The following VEPH1 variants were observed in gnomAD, a reference collection of about 807,000 sequenced individuals.
VEPH1 encodes ventricular zone expressed PH domain containing 1.
Under a neutral mutation model 85.2 loss-of-function variants are expected in VEPH1, and 80 were observed. That is an observed-to-expected ratio of 0.94 (90% CI 0.78 to 1.13). The LOEUF (loss-of-function observed/expected upper bound fraction) is 1.13, where lower values mean the gene tolerates loss of function less well. Ranked by LOEUF, VEPH1 falls within the 50% of genes most tolerant of loss-of-function variation. VEPH1 has a pLI of 0.00. For synonymous variants in VEPH1, 297 were observed against 348.0 expected, an observed-to-expected ratio of 0.85 and a Z score of 1.63; for missense variants, 955 against 980.5, an observed-to-expected ratio of 0.97 and a Z score of 0.35.
intron 2 of VEPH1, among the ~76,000 whole-genome samples, chr3:157,483,825 C>T (rs1234283408): frequency 1.3e-5 from 2 of 151,874 alleles, no homozygotes; most frequent in African/African-American, 2.4e-5. Context: ...TAGAATATTG[C>T]TAGAAGAGAG....
intron 9 of VEPH1, among the ~76,000 whole-genome samples, chr3:157,359,654 G>A (rs1577437163): frequency 1.3e-5 from 2 of 152,134 alleles, no homozygotes; most frequent in African/African-American, 4.8e-5. Flanking sequence ...CTGGAGTTAT[G>A]AATGCTATTT....
rs576532123 is a variant in VEPH1 at position 157,286,458 on chromosome 3, A to T, written c.2128+99T>A. The T allele has an allele frequency of 1.4e-5, 12 of 862,722 alleles. No homozygotes were observed. In the South Asian group the frequency reaches 1.7e-4, roughly 13 times the overall value. 53.4% of individuals were successfully genotyped at this position (862,722 alleles called of 1,614,324 possible). ...ACTCTGTGCATTATTACAACTGGGG[A>T]TGTTTATGCAAGAGGAAGGCCACCT... On this transcript the variant is annotated intron_variant, in intron 12 of 13. Transcript: ENST00000362010.
Position 157,344,061 on chromosome 3 carries a change from A to G in VEPH1, c.1735+19303T>C, listed in dbSNP as rs181225841. 6.9e-3 allele frequency among the ~76,000 whole-genome samples: 1,052 copies of G among 152,326 alleles called. 19 individuals are homozygous for G. The highest frequency in any genetic ancestry group is 0.024 in the African/African-American group (994 of 41,564). ...TAAGAGCTATTTATGACAAACCCAC[A>G]GCCAATAGCATACTGAATGGGCAAA... is the stretch of plus-strand genomic sequence containing the variant. On this transcript the variant is annotated intron_variant, in intron 9 of 13. Transcript: ENST00000362010.
intron 2 of VEPH1, among the ~76,000 whole-genome samples, chr3:157,483,628 G>A (rs766791913): frequency 3.3e-5 from 5 of 152,006 alleles, no homozygotes; most frequent in Non-Finnish European, 5.9e-5. Flanking sequence ...GGATGAAACC[G>A]TGGATGGATA....
chr3:157,394,584 A>C (rs1730188381), intron 6 of VEPH1, among the ~76,000 whole-genome samples: 1 of 152,208 alleles, frequency 6.6e-6, no homozygotes, highest in Admixed American at 6.5e-5. Context: ...ATAGTTCTGC[A>C]ATCTGCTTCT....
chr3:157,282,065 T>C (rs768731175), intron 12 of VEPH1, among the ~76,000 whole-genome samples: 3 of 152,202 alleles, frequency 2.0e-5, no homozygotes, highest in Non-Finnish European at 4.4e-5. Context: ...ACCAATTCTT[T>C]TGACTGTCTG....
At chr3:157,502,371 A>T (rs549704294) in intron 1 of VEPH1, among the ~76,000 whole-genome samples, 1 of 152,350 alleles carries the variant, frequency 6.6e-6, no homozygotes, top group African/African-American at 2.4e-5. Context: ...CTTATCTTCA[A>T]GTCTAATAAA....
chr3:157,311,048 C>T (rs1720051810), intron 11 of VEPH1, among the ~76,000 whole-genome samples: 1 of 152,184 alleles, frequency 6.6e-6, no homozygotes, highest in African/African-American at 2.4e-5. Context: ...AATTTTTAAA[C>T]TTCTTCAATT....
chr3:157,472,750 T>C (rs1159034096), intron 2 of VEPH1, among the ~76,000 whole-genome samples: 1 of 152,190 alleles, frequency 6.6e-6, no homozygotes, highest in East Asian at 1.9e-4. Flanking sequence ...TAGCTCCCAC[T>C]TAAAGTGACA....
rs551368277 is a variant in VEPH1 at position 157,460,346 on chromosome 3, G to A, written c.364C>T (p.Arg122Ter). The A allele has an allele frequency of 6.9e-5, 112 of 1,611,990 alleles. No individual in the cohort carries two copies. The highest frequency in any genetic ancestry group is 3.3e-4 in the Middle Eastern group (2 of 6,074). ...ATGGCTAATGCCATCACTGGGGGTC[G>A]GTTGTAATTCTGAGGAAATATAAGA... ...IMSCILQNYN[R>*]PPVMALAIPI... Residue 122 changes from arginine to a stop codon, truncating the protein, a stop_gained, in exon 4 of 14, where the codon CGA (arginine) becomes TGA (stop). Transcript: ENST00000362010. LOFTEE classifies it high-confidence loss of function.
At chr3:157,416,323 A>G (rs1161360387) in intron 5 of VEPH1, among the ~76,000 whole-genome samples, 1 of 152,000 alleles carries the variant, frequency 6.6e-6, no homozygotes, top group Non-Finnish European at 1.5e-5. Context: ...TATCCTATAT[A>G]GAGATTTAAA....
intron 12 of VEPH1, among the ~76,000 whole-genome samples, chr3:157,277,491 A>G (rs1715547656): frequency 6.6e-6 from 1 of 152,182 alleles, no homozygotes; most frequent in Admixed American, 6.5e-5. Flanking sequence ...CTGCCTGTAA[A>G]TTCTTGTATT....
At chr3:157,312,098 T>C (rs1015152464) in intron 11 of VEPH1, among the ~76,000 whole-genome samples, 1 of 152,168 alleles carries the variant, frequency 6.6e-6, no homozygotes, top group African/African-American at 2.4e-5. Context: ...AGTTCTGGAG[T>C]ACTTAATTTG....
At chr3:157,459,691 G>A (rs757424315) in intron 4 of VEPH1, 11 of 1,390,986 alleles carry the variant, frequency 7.9e-6, no homozygotes, top group Middle Eastern at 2.6e-4. Flanking sequence ...TGTACTATTT[G>A]GCTTTTTATG....
At position 157,457,530 on chromosome 3, in the gene VEPH1, C is replaced by T. The variant is rs1029484473; in HGVS notation, c.529+2651G>A. On this transcript the variant is annotated intron_variant, in intron 4 of 13. Coordinates refer to ENST00000362010, the MANE Select transcript of VEPH1 (RefSeq NM_001167912.2). ...TTGGCTGTGGGTTTGCCATTGATGG[C>T]TCTTACTATTTTGAGGTATCCTTCT... Among the ~76,000 whole-genome samples the T allele has an allele frequency of 3.4e-4, 52 of 152,100 alleles. 1 individual carries two copies. The highest frequency in any genetic ancestry group is 3.4e-3 in the Admixed American group (52 of 15,276).
intron 4 of VEPH1, among the ~76,000 whole-genome samples, chr3:157,456,992 C>A (rs1410424770): frequency 6.6e-6 from 1 of 151,952 alleles, no homozygotes; most frequent in Non-Finnish European, 1.5e-5. Flanking sequence ...ATATTGTTTC[C>A]TCCTATCCAT....
chr3:157,397,615 C>T (rs1730510465), intron 6 of VEPH1, among the ~76,000 whole-genome samples: 1 of 152,176 alleles, frequency 6.6e-6, no homozygotes, highest in East Asian at 1.9e-4. Flanking sequence ...GTTTGTAGTT[C>T]TCTTTGAAGA....
intron 10 of VEPH1, among the ~76,000 whole-genome samples, chr3:157,315,520 G>A (rs763535528): frequency 1.3e-5 from 2 of 151,982 alleles, no homozygotes; most frequent in East Asian, 1.9e-4. Context: ...GACAGAAAAC[G>A]GAAAGAATTT....
At chr3:157,336,737 A>G (rs1018512827) in intron 9 of VEPH1, among the ~76,000 whole-genome samples, 2 of 152,214 alleles carry the variant, frequency 1.3e-5, no homozygotes, top group Non-Finnish European at 2.9e-5. Context: ...TATAATCTAG[A>G]GCAAGGGTTG....
Sources: gnomAD v4.1 joint callset for allele counts (sites outside exome capture counted in the v4.1 genomes callset) on GRCh38, gnomAD v4.1.1 for gene constraint, MANE v1.5 for transcripts, NCBI Gene and HGNC (gene_info 2026-07-23, HGNC 2026-07-21) for gene names.